LRP1B: variants seen among roughly 807,000 people sequenced by gnomAD.
The protein encoded by LRP1B is low-density lipoprotein receptor-related protein 1B.
LRP1B carries 217 observed loss-of-function variants against 556.6 expected under a neutral mutation model. The ratio of observed to expected loss-of-function variants is 0.39; its 90% CI spans 0.35 to 0.44. The LOEUF is 0.44. Ranked by LOEUF, LRP1B falls within the 20% of genes least tolerant of loss-of-function variation. The pLI is 1.00. For synonymous variants in LRP1B, 2,047 were observed against 1,865.8 expected (o/e 1.10, Z -2.50); for missense variants, 5,053 against 5,620.8 (o/e 0.90, Z 3.23).
At chr2:141,017,741 T>C (rs1300604936) in intron 12 of LRP1B, among the ~76,000 whole-genome samples, 2 of 151,796 alleles carry the variant, frequency 1.3e-5, no homozygotes, top group African/African-American at 4.8e-5. Context: ...ATGCCTGTAA[T>C]CCCAGCACTT....
intron 22 of LRP1B, among the ~76,000 whole-genome samples, 161 bp from the exon 23 acceptor site, chr2:140,903,326 G>A (rs1323442716): frequency 6.6e-6 from 1 of 152,148 alleles, no homozygotes; most frequent in Non-Finnish European, 1.5e-5. Flanking sequence ...GGTTGGTATA[G>A]AAATGATGAT....
intron 7 of LRP1B, among the ~76,000 whole-genome samples, chr2:141,162,567 T>C (rs2203809): frequency 0.66 from 100,776 of 151,848 alleles, 33,887 homozygotes; most frequent in Middle Eastern, 0.78. Context: ...TCTTCCAAGA[T>C]CTAGGAAACT....
At chr2:141,398,582 G>A (rs892578993) in intron 3 of LRP1B, among the ~76,000 whole-genome samples, 2 of 152,092 alleles carry the variant, frequency 1.3e-5, no homozygotes, top group Non-Finnish European at 2.9e-5. Flanking sequence ...CGGCTGACAG[G>A]CAAGATGGAC....
chr2:141,973,596 A>G (rs1203130843), intron 1 of LRP1B, among the ~76,000 whole-genome samples: 1 of 151,836 alleles, frequency 6.6e-6, no homozygotes, highest in Non-Finnish European at 1.5e-5. Context: ...AAGATGATGA[A>G]GACATTGATG....
At chr2:140,720,830 A>G (rs1290315105) in intron 35 of LRP1B, among the ~76,000 whole-genome samples, 1 of 152,074 alleles carries the variant, frequency 6.6e-6, no homozygotes, top group African/African-American at 2.4e-5. Flanking sequence ...GCATAAATAT[A>G]TAAAAATATG....
chr2:141,937,765 A>G (rs933990547), intron 1 of LRP1B, among the ~76,000 whole-genome samples: 11 of 152,062 alleles, frequency 7.2e-5, no homozygotes, highest in Non-Finnish European at 1.2e-4. Context: ...AATCATTGCC[A>G]AGGCCAAAGT....
intron 20 of LRP1B, among the ~76,000 whole-genome samples, chr2:140,937,186 G>C (rs1469631466): frequency 6.6e-6 from 1 of 152,056 alleles, no homozygotes; most frequent in Non-Finnish European, 1.5e-5. Context: ...TGCAGGAATT[G>C]AGGAACAAAA....
chr2:142,071,900 T>C (rs1048384215), intron 1 of LRP1B, among the ~76,000 whole-genome samples: 2 of 151,918 alleles, frequency 1.3e-5, no homozygotes, highest in Non-Finnish European at 2.9e-5. Flanking sequence ...ATGCCCAAAA[T>C]GGAGATTACT....
intron 29 of LRP1B, among the ~76,000 whole-genome samples, chr2:140,846,216 G>T (rs1039923817): frequency 6.6e-6 from 1 of 152,152 alleles, no homozygotes; most frequent in Non-Finnish European, 1.5e-5. Flanking sequence ...TCTCAACTTG[G>T]AGTTTTGTAC....
intron 3 of LRP1B, among the ~76,000 whole-genome samples, chr2:141,322,827 G>A (rs1687293781): frequency 6.6e-6 from 1 of 151,876 alleles, no homozygotes; most frequent in Non-Finnish European, 1.5e-5. Context: ...AAGAGATGTA[G>A]CATCCCATTC....
intron 41 of LRP1B, among the ~76,000 whole-genome samples, chr2:140,697,038 G>A (rs1177966947): frequency 6.6e-6 from 1 of 152,066 alleles, no homozygotes; most frequent in Non-Finnish European, 1.5e-5. Flanking sequence ...ACACATAGAA[G>A]TACAGAGGAA....
intron 1 of LRP1B, among the ~76,000 whole-genome samples, chr2:141,913,545 C>T (rs1317449860): frequency 6.6e-6 from 1 of 152,034 alleles, no homozygotes; most frequent in Non-Finnish European, 1.5e-5. Context: ...GGTTTTGAAA[C>T]TGGTCCCTGG....
At chr2:141,803,129 T>C (rs1440363929) in intron 2 of LRP1B, among the ~76,000 whole-genome samples, 1 of 151,738 alleles carries the variant, frequency 6.6e-6, no homozygotes, top group Non-Finnish European at 1.5e-5. Flanking sequence ...AGCACTGACT[T>C]CTTGAGTGAA....
At chr2:141,227,983 A>G (rs1311768523) in intron 6 of LRP1B, among the ~76,000 whole-genome samples, 2 of 151,940 alleles carry the variant, frequency 1.3e-5, no homozygotes, top group African/African-American at 4.8e-5. Flanking sequence ...TTGGAGTGCA[A>G]TGTCACAATC....
intron 3 of LRP1B, among the ~76,000 whole-genome samples, chr2:141,465,404 A>G (rs1413158027): frequency 1.3e-5 from 2 of 152,196 alleles, no homozygotes; most frequent in African/African-American, 2.4e-5. Context: ...TGGCTACATC[A>G]GTATCTTCTT....
chr2:141,562,513 T>A (rs1350757158), intron 2 of LRP1B, among the ~76,000 whole-genome samples: 3 of 151,964 alleles, frequency 2.0e-5, no homozygotes, highest in Admixed American at 6.6e-5. Flanking sequence ...GATGTCTGCA[T>A]TTGCATACTT....
At chr2:140,286,819 G>T (rs1171689355) in intron 84 of LRP1B, among the ~76,000 whole-genome samples, 3 of 151,486 alleles carry the variant, frequency 2.0e-5, no homozygotes, top group South Asian at 2.1e-4. Context: ...AGCACTCAAA[G>T]TATCTATTAA....
chr2:140,702,772 A>T (rs114059625), intron 37 of LRP1B, among the ~76,000 whole-genome samples: 2,545 of 152,212 alleles, frequency 0.017, 93 homozygotes, highest in Admixed American at 0.072. Context: ...TGCACTCAAC[A>T]TCCTACCAAA....
Position 140,841,156 on chromosome 2 carries a change from G to A in LRP1B, c.4940-64C>T, listed in dbSNP as rs144424802. ...GTTTTTCATTGTACTGGCTCTGCAA[G>A]TAGTTATTTTCTATCTAAGGGAAAA... On this transcript the variant is annotated intron_variant, in intron 29 of 90. Transcript: ENST00000389484. 5.4e-4 allele frequency: 569 copies of A among 1,060,426 alleles called. No homozygotes were observed. In the African/African-American group the frequency reaches 8.0e-3, roughly 15 times the overall value. The allele number at this position is 1,060,426 out of a possible 1,614,324, so 65.7% of individuals were successfully genotyped here. A position where few individuals can be genotyped will look rare whatever the true frequency, so the allele number is the denominator to read the frequency against.
Sources: allele counts gnomAD v4.1 joint callset (sites outside exome capture counted in the v4.1 genomes callset), GRCh38; gene constraint gnomAD v4.1.1; transcripts MANE v1.5; gene names NCBI Gene and HGNC (gene_info 2026-07-23, HGNC 2026-07-21).